The following GOT1 variants were observed in gnomAD, a reference collection of about 807,000 sequenced individuals.
The protein encoded by GOT1 is glutamic-oxaloacetic transaminase 1.
In GOT1, 25 loss-of-function variants were observed where a neutral mutation model predicts 48.2. The ratio of observed to expected loss-of-function variants is 0.52; its 90% confidence interval spans 0.38 to 0.72. GOT1 has a LOEUF of 0.72. GOT1 is among the 30% of genes least tolerant of loss of function. GOT1 has a pLI of 0.00. For synonymous variants in GOT1, 188 were observed against 193.8 expected (o/e 0.97, Z 0.25); for missense variants, 380 against 520.1 (o/e 0.73, Z 2.62).
intron 2 of GOT1, among the ~76,000 whole-genome samples, chr10:99,407,783 T>TTTTATTTATTTATTTATTTA (rs10629267): frequency 1.3e-5 from 2 of 148,688 alleles, no homozygotes; most frequent in African/African-American, 5.0e-5. Flanking sequence ...AAAAGCCATA[T>TTTTATTTATTTATTTATTTA]TTTATTTATT....
intron 8 of GOT1, among the ~76,000 whole-genome samples, chr10:99,399,207 A>G (rs914193180): frequency 6.6e-6 from 1 of 152,172 alleles, no homozygotes. Flanking sequence ...GTCCAGATCT[A>G]GGGGAGATTA....
intron 5 of GOT1, among the ~76,000 whole-genome samples, chr10:99,405,335 C>T (rs1333319743): frequency 1.3e-5 from 2 of 152,210 alleles, no homozygotes; most frequent in South Asian, 2.1e-4. Context: ...AAATATTCAT[C>T]AGATGATTTA....
At position 99,397,371 on chromosome 10, in the gene GOT1, C is replaced by T. The variant is rs1052957981; in HGVS notation, c.*176G>A. ...AGGCTCTAATCCCAGTCTCCAAATT[C>T]GTCTCAAGGGATGTTCTCTTCATGT... On this transcript the variant is annotated 3_prime_UTR_variant, in exon 9 of 9. Coordinates refer to ENST00000370508, the MANE Select transcript of GOT1 (RefSeq NM_002079.3). This position sits in a 1 kb window ranked among gnomAD's most constrained non-coding sequence, Gnocchi z 5.4. The T allele has an allele frequency of 2.6e-5, 17 of 661,336 alleles. No homozygotes were observed. Among genetic ancestry groups the T allele is most frequent in the African/African-American group, 7.2e-5 (4 of 55,740 alleles). 41.0% of individuals were successfully genotyped at this position (661,336 alleles called of 1,614,324 possible).
intron 2 of GOT1, among the ~76,000 whole-genome samples, chr10:99,408,993 T>A (rs1351946998): frequency 6.6e-6 from 1 of 152,140 alleles, no homozygotes; most frequent in Non-Finnish European, 1.5e-5. Flanking sequence ...AGTGGGTAGA[T>A]GGAAATACAC....
intron 2 of GOT1, 128 bp downstream of exon 2, chr10:99,420,496 C>T (rs1465992399): frequency 1.9e-5 from 13 of 700,566 alleles, no homozygotes; most frequent in Admixed American, 3.1e-5. Context: ...CCTGAACTCG[C>T]GCTACAGAAA....
intron 4 of GOT1, 34 bp downstream of exon 4, chr10:99,406,103 T>A (rs752922031): frequency 1.5e-6 from 2 of 1,378,966 alleles, no homozygotes; most frequent in Admixed American, 1.7e-5. Flanking sequence ...CCTGACACCA[T>A]GCAATTCTCT....
chr10:99,408,018 G>A (rs1226191243), intron 2 of GOT1, among the ~76,000 whole-genome samples: 1 of 151,882 alleles, frequency 6.6e-6, no homozygotes, highest in Non-Finnish European at 1.5e-5. Context: ...GTGTCCACGT[G>A]TTCTCATTGT....
chr10:99,425,545 C>A (rs1003056793), intron 1 of GOT1, among the ~76,000 whole-genome samples: 1 of 152,032 alleles, frequency 6.6e-6, no homozygotes, highest in African/African-American at 2.4e-5. Context: ...AATAATGAGG[C>A]CTTGAATTCA....
intron 1 of GOT1, among the ~76,000 whole-genome samples, chr10:99,425,178 G>T (rs1268393423): frequency 6.6e-6 from 1 of 152,230 alleles, no homozygotes; most frequent in Non-Finnish European, 1.5e-5. Flanking sequence ...GAGTTTAAAA[G>T]GTAAACAAGG....
intron 2 of GOT1, among the ~76,000 whole-genome samples, chr10:99,413,430 T>C (rs1468965051): frequency 2.0e-5 from 3 of 152,158 alleles, no homozygotes; most frequent in Non-Finnish European, 4.4e-5. Flanking sequence ...CCAAGAAATA[T>C]GCGACTATGT....
chr10:99,429,420 C>T (rs1442919752), intron 1 of GOT1, among the ~76,000 whole-genome samples: 1 of 151,216 alleles, frequency 6.6e-6, no homozygotes, highest in Admixed American at 6.6e-5. Flanking sequence ...TGATTCTGAG[C>T]GTCCTTCATG....
At chr10:99,428,871 T>G (rs1179210636) in intron 1 of GOT1, among the ~76,000 whole-genome samples, 1 of 152,200 alleles carries the variant, frequency 6.6e-6, no homozygotes, top group Non-Finnish European at 1.5e-5. Context: ...GGCCAAACTA[T>G]GTAGTACTGA....
chr10:99,419,726 G>A (rs1226560448), intron 2 of GOT1, among the ~76,000 whole-genome samples: 1 of 152,174 alleles, frequency 6.6e-6, no homozygotes, highest in African/African-American at 2.4e-5. Context: ...GCCACAGTAT[G>A]TTTTTAAAAA....
At chr10:99,408,015 C>A (rs1017573735) in intron 2 of GOT1, among the ~76,000 whole-genome samples, 1 of 151,974 alleles carries the variant, frequency 6.6e-6, no homozygotes, top group African/African-American at 2.4e-5. Context: ...CCTGTGTCCA[C>A]GTGTTCTCAT....
intron 5 of GOT1, among the ~76,000 whole-genome samples, chr10:99,404,698 G>T (rs7918037): frequency 0.021 from 3,228 of 152,140 alleles, 126 homozygotes; most frequent in African/African-American, 0.073. Context: ...TTAAGACCAT[G>T]CACATCCAAT....
rs140518658 is a variant in GOT1 at position 99,420,784 on chromosome 10, T to C, written c.140A>G (p.His47Arg). Residue 47 changes from histidine (H) to arginine (R), a missense_variant, in exon 2 of 9, where the codon CAT (histidine) becomes CGT (arginine). Physicochemically the swap from His to Arg is conservative, Grantham distance 29. Transcript: ENST00000370508. ...GVGAYRTDDCHPWVLPVVKKV... is the reference protein window; with the variant it reads ...GVGAYRTDDCRPWVLPVVKKV... ...CTTCACTACTGGCAAAACCCAGGGA[T>C]GGCAGTCATCCGTGCGATATGCTGG... 1.4e-5 allele frequency: 23 copies of C among 1,613,918 alleles called. No individual in the cohort carries two copies. The highest frequency in any genetic ancestry group is 1.7e-5 in the Non-Finnish European group (20 of 1,179,954).
chr10:99,427,681 C>A (rs182476938), intron 1 of GOT1, among the ~76,000 whole-genome samples: 2 of 152,254 alleles, frequency 1.3e-5, no homozygotes, highest in African/African-American at 4.8e-5. Context: ...ATGGCTGGAC[C>A]ACGGTGCTGG....
chr10:99,407,686 C>A (rs914739584), intron 2 of GOT1, among the ~76,000 whole-genome samples: 30 of 152,148 alleles, frequency 2.0e-4, no homozygotes, highest in Non-Finnish European at 2.1e-4. Flanking sequence ...CCTGCCTTGG[C>A]CTCTCAAACT....
At chr10:99,407,432 A>ATTTTTTTTTTTTTTTTTTTTTTTTTTTT (rs397943359) in intron 2 of GOT1, among the ~76,000 whole-genome samples, 1 of 140,390 alleles carries the variant, frequency 7.1e-6, no homozygotes. Flanking sequence ...GCTTCCTCTC[A>ATTTTTTTTTTTTTTTTTTTTTTTTTTTT]TTTTTTTTTT....
Sources: allele counts gnomAD v4.1 joint callset (sites outside exome capture counted in the v4.1 genomes callset), GRCh38; gene constraint gnomAD v4.1.1; non-coding constraint Gnocchi (gnomAD v3.1); transcripts MANE v1.5; gene names NCBI Gene and HGNC (gene_info 2026-07-23, HGNC 2026-07-21).